CISD3: variants seen among roughly 807,000 people sequenced by gnomAD.
CISD3 encodes CDGSH iron-sulfur domain-containing protein 3, mitochondrial.
In CISD3, 11 loss-of-function variants were observed where a neutral mutation model predicts 14.1. That is an observed-to-expected ratio of 0.78 (90% CI 0.49 to 1.29). The LOEUF (loss-of-function observed/expected upper bound fraction) is 1.29. CISD3 is among the 50% of genes most tolerant of loss of function. The pLI, the probability that CISD3 is intolerant of heterozygous loss-of-function variation, is 0.00. For missense variants in CISD3, 156 were observed against 171.6 expected, an observed-to-expected ratio of 0.91 and a Z score of 0.51; for synonymous variants, 53 against 69.2, an observed-to-expected ratio of 0.77 and a Z score of 1.16.
rs1906578719 is a variant in CISD3 at position 38,735,115 on chromosome 17, C to A, written c.*1660C>A. 3.4e-6 allele frequency: 3 copies of A among 871,070 alleles called. No individual in the cohort carries two copies. 54.0% of individuals were successfully genotyped at this position (871,070 alleles called of 1,614,324 possible). A position where few individuals can be genotyped will look rare whatever the true frequency, so the allele number is the denominator to read the frequency against. Reference sequence around the variant, plus strand: ...TTTATTTATAAAACCCGCCCCCCACCCCCAAGGTGGGAAGAGCTGGGGAAA... The same window carrying A: ...TTTATTTATAAAACCCGCCCCCCACACCCAAGGTGGGAAGAGCTGGGGAAA... On this transcript the variant is annotated 3_prime_UTR_variant, in exon 4 of 4. Transcript: ENST00000613478.
chr17:38,732,431 A>C (rs1411695381), intron 3 of CISD3, among the ~76,000 whole-genome samples: 3 of 152,170 alleles, frequency 2.0e-5, no homozygotes, highest in Non-Finnish European at 2.9e-5. Flanking sequence ...CCAGGAGTTC[A>C]AGAACAGTCT....
chr17:38,730,401 G>A lies in CISD3; in HGVS notation c.43G>A (p.Ala15Thr). The change falls in exon 1 of 4, where the codon GCC becomes ACC. Residue 15 changes from alanine to threonine, a missense_variant. Transcript: ENST00000613478. ...GATCCTGCGGCCGGCGGCGCGTGGT[G>A]CCCGGGTGAGCACCCCCGCCCTGCA... Reference protein sequence around the residue: ...GAILRPAARGARDLNPRRDIS... With the variant: ...GAILRPAARGTRDLNPRRDIS... 8.2e-7 allele frequency: 1 copy of A among 1,217,530 alleles called. No individual in the cohort carries two copies. The highest frequency in any genetic ancestry group is 1.0e-6 in the Non-Finnish European group (1 of 977,840). The allele number at this position is 1,217,530 out of a possible 1,614,324, so 75.4% of individuals were successfully genotyped here. A position where few individuals can be genotyped will look rare whatever the true frequency, so the allele number is the denominator to read the frequency against.
Position 38,733,425 on chromosome 17 carries a change from G to A in CISD3, c.354G>A (p.Val118=), listed in dbSNP as rs752716948. 13 of 1,544,198 alleles carry A rather than the reference G, an allele frequency of 8.4e-6. No homozygotes were observed. Among genetic ancestry groups the A allele is most frequent in the Non-Finnish European group, 1.1e-5 (12 of 1,141,688 alleles). The change falls in exon 4 of 4, where the codon GTG becomes GTA. Residue 118 remains valine (V), a synonymous_variant. Coordinates refer to ENST00000613478, the MANE Select transcript of CISD3 (RefSeq NM_001136498.2). ...ATGGCACCCACAGGAGTGAGCGCGT[G>A]CAGAAGGCAGAAGTGGGCTCCCCAC... ...YCDGTHRSER[V]QKAEVGSPL
chr17:38,733,011 C>T (rs899725839), intron 3 of CISD3, among the ~76,000 whole-genome samples: 1 of 151,778 alleles, frequency 6.6e-6, no homozygotes, highest in African/African-American at 2.4e-5. Context: ...GTCCCAGAGA[C>T]TAATGCTATA....
intron 2 of CISD3, chr17:38,731,022 C>T: frequency 3.1e-6 from 2 of 636,724 alleles, no homozygotes; most frequent in East Asian, 2.8e-5. Context: ...GGTGGCCCTG[C>T]CGTAGGCTGG....
chr17:38,731,923 A>G (rs1452558478), intron 3 of CISD3: 3 of 158,556 alleles, frequency 1.9e-5, no homozygotes, highest in Non-Finnish European at 4.2e-5. Context: ...CCATAGACAC[A>G]TTGGGAAGAG....
rs1307298907 is a variant in CISD3 at position 38,734,082 on chromosome 17, T to G, written c.*627T>G. 10 of 151,468 alleles carry G rather than the reference T, an allele frequency of 6.6e-5. No individual in the cohort carries two copies. The highest frequency in any genetic ancestry group is 3.3e-4 in the Admixed American group (5 of 15,172). The allele number at this position is 151,468 out of a possible 1,614,324, so 9.4% of individuals were successfully genotyped here. A position where few individuals can be genotyped will look rare whatever the true frequency, so the allele number is the denominator to read the frequency against. Reference sequence around the variant, plus strand: ...GTCTCGACTCCCGACTCCTCTCAGATCTATGCACACTTGAGGAAATCTCGG... The same window carrying G: ...GTCTCGACTCCCGACTCCTCTCAGAGCTATGCACACTTGAGGAAATCTCGG... On this transcript the variant is annotated 3_prime_UTR_variant, in exon 4 of 4. Coordinates refer to ENST00000613478, the MANE Select transcript of CISD3 (RefSeq NM_001136498.2).
chr17:38,733,642 T>C lies in CISD3; in HGVS notation c.*187T>C. The C allele has an allele frequency of 8.2e-6, 5 of 612,918 alleles. No homozygotes were observed. Among genetic ancestry groups the C allele is most frequent in the Non-Finnish European group, 1.1e-5 (4 of 376,846 alleles). The allele number at this position is 612,918 out of a possible 1,614,324, so 38.0% of individuals were successfully genotyped here. A position where few individuals can be genotyped will look rare whatever the true frequency, so the allele number is the denominator to read the frequency against. ...TGGGGCAGGCGGGAGTGGGCCCTGG[T>C]TCAATGTTTGCTGATGGGGAAGATG... On this transcript the variant is annotated 3_prime_UTR_variant, in exon 4 of 4. Transcript: ENST00000613478.
chr17:38,731,644 C>T (rs535786611), intron 3 of CISD3, among the ~76,000 whole-genome samples: 1 of 152,320 alleles, frequency 6.6e-6, no homozygotes, highest in Admixed American at 6.5e-5. Flanking sequence ...GACAGAAACT[C>T]AGTCACGCAG....
intron 3 of CISD3, 117 bp downstream of exon 3, chr17:38,731,556 G>A (rs1906336876): frequency 1.5e-6 from 2 of 1,379,070 alleles, no homozygotes; most frequent in Non-Finnish European, 9.8e-7. Flanking sequence ...GGGACACCAA[G>A]GGGGCTTGGG....
chr17:38,735,450 G>T lies in CISD3; in HGVS notation c.*1995G>T. The stretch of plus-strand genomic sequence containing the variant: ...CTGGGCAGGGAGGAGGAGGTGGCTG[G>T]CAGGGTGGCAGGGCTGGGAGCCTTG... On this transcript the variant is annotated 3_prime_UTR_variant, in exon 4 of 4. Coordinates refer to ENST00000613478, the MANE Select transcript of CISD3 (RefSeq NM_001136498.2). The T allele has an allele frequency of 6.3e-7, 1 of 1,586,578 alleles. No homozygotes were observed. Among genetic ancestry groups the T allele is most frequent in the Non-Finnish European group, 8.6e-7 (1 of 1,166,180 alleles).
chr17:38,731,024 G>A (rs954175487), intron 2 of CISD3: 20 of 638,694 alleles, frequency 3.1e-5, no homozygotes, highest in East Asian at 1.1e-4. Flanking sequence ...TGGCCCTGCC[G>A]TAGGCTGGAA....
In CISD3 at chr17:38,734,413, G is replaced by A. The variant is rs1844097374; in HGVS notation, c.*958G>A. On this transcript the variant is annotated 3_prime_UTR_variant, in exon 4 of 4. Transcript: ENST00000613478. Reference sequence around the variant, plus strand: ...GTTCCCCGGTGAGGGTAAGGTTGGTGGGGGTGCAGCGCTTCACAATGCTAA... The same window carrying A: ...GTTCCCCGGTGAGGGTAAGGTTGGTAGGGGTGCAGCGCTTCACAATGCTAA... 6.6e-6 allele frequency: 1 copy of A among 152,330 alleles called. No individual in the cohort carries two copies. The highest frequency in any genetic ancestry group is 6.6e-5 in the Admixed American group (1 of 15,264). 9.4% of individuals were successfully genotyped at this position (152,330 alleles called of 1,614,324 possible). A position where few individuals can be genotyped will look rare whatever the true frequency, so the allele number is the denominator to read the frequency against.
At chr17:38,731,197 C>A in intron 2 of CISD3, 123 bp from the exon 3 acceptor site, 1 of 1,337,936 alleles carries the variant, frequency 7.5e-7, no homozygotes, top group Non-Finnish European at 1.0e-6. Flanking sequence ...GGCATCAGAT[C>A]AGCCTCTTGT....
chr17:38,732,940 C>G (rs963886007), intron 3 of CISD3, among the ~76,000 whole-genome samples: 19 of 103,518 alleles, frequency 1.8e-4, no homozygotes, highest in South Asian at 3.0e-4. Flanking sequence ...GACTCAGAGA[C>G]ACACACACAC....
In CISD3 at chr17:38,735,594, G is replaced by T; in HGVS notation, c.*2139G>T. On this transcript the variant is annotated 3_prime_UTR_variant, in exon 4 of 4. Transcript: ENST00000613478. ...TGGACACGGTACTTGAGGGGGAGAG[G>T]CCCGTTCTGCGGGGAGAGTGGGGAG... is the stretch of plus-strand genomic sequence containing the variant. 1.3e-6 allele frequency: 2 copies of T among 1,565,328 alleles called. No homozygotes were observed. The highest frequency in any genetic ancestry group is 1.7e-6 in the Non-Finnish European group (2 of 1,151,670).
chr17:38,733,160 G>A, intron 3 of CISD3, 116 bp from the exon 4 acceptor site: 1 of 926,864 alleles, frequency 1.1e-6, no homozygotes, highest in South Asian at 1.6e-5. Flanking sequence ...TGGCAGTCTT[G>A]CTCTGGAGCC....
rs1906561984 is a variant in CISD3, at chr17:38,734,953, CCA to C, written c.*1499_*1500del. 2 of 300,544 alleles carry C rather than the reference CCA, an allele frequency of 6.7e-6. No individual in the cohort carries two copies. Among genetic ancestry groups the C allele is most frequent in the African/African-American group, 2.1e-5 (1 of 46,576 alleles). The allele number at this position is 300,544 out of a possible 1,614,324, so 18.6% of individuals were successfully genotyped here. On this transcript the variant is annotated 3_prime_UTR_variant, in exon 4 of 4. Coordinates refer to ENST00000613478, the MANE Select transcript of CISD3 (RefSeq NM_001136498.2). Reference sequence around the variant, plus strand: ...AACAGCAAATTACACAAGACCCCCCCCAAAAAAAATGAACACCATTTTCCACA... The same window carrying C: ...AACAGCAAATTACACAAGACCCCCCCAAAAAAATGAACACCATTTTCCACA...
In CISD3 at chr17:38,731,411, GGT is replaced by G. The variant is rs779709363; in HGVS notation, c.186_187del (p.Cys62TrpfsTer10). 3.2e-6 allele frequency: 5 copies of G among 1,551,396 alleles called. No homozygotes were observed. Among genetic ancestry groups the G allele is most frequent in the Admixed American group, 2.0e-5 (1 of 50,980 alleles). ...CTGGTGGCAGGGAAAACCTACAGGT[GGT>G]GTGTGTGTGGCCGCAGCAAGAAGCA... On this transcript the variant is annotated frameshift_variant, in exon 3 of 4. Coordinates refer to ENST00000613478, the MANE Select transcript of CISD3 (RefSeq NM_001136498.2). LOFTEE classifies it high-confidence loss of function.
Sources: gnomAD v4.1 joint callset for allele counts (sites outside exome capture counted in the v4.1 genomes callset) on GRCh38, gnomAD v4.1.1 for gene constraint, MANE v1.5 for transcripts, NCBI Gene and HGNC (gene_info 2026-07-23, HGNC 2026-07-21) for gene names.